MARCHF1: variants seen among roughly 807,000 people sequenced by gnomAD.
The protein encoded by MARCHF1 is membrane associated ring-CH-type finger 1, also known as E3 ubiquitin-protein ligase MARCHF1.
A neutral mutation model predicts 54.2 loss-of-function variants in MARCHF1; 40 were observed. The ratio of observed to expected loss-of-function variants is 0.74; its 90% CI spans 0.57 to 0.96. The LOEUF is 0.96. MARCHF1 is among the 40% of genes least tolerant of loss of function. The pLI is 0.00. For synonymous variants in MARCHF1, 236 were observed against 236.3 expected, an observed-to-expected ratio of 1.00 and a Z score of 0.01; for missense variants, 586 against 656.5, an observed-to-expected ratio of 0.89 and a Z score of 1.17.
chr4:164,164,887 CCCT>C (rs1302282337), intron 1 of MARCHF1, among the ~76,000 whole-genome samples: 1 of 151,904 alleles, frequency 6.6e-6, no homozygotes, highest in African/African-American at 2.4e-5. Flanking sequence ...CCAAGTAAGA[CCCT>C]CCTCAATTCC....
chr4:164,054,378 G>C (rs1754438013), intron 2 of MARCHF1, among the ~76,000 whole-genome samples: 2 of 151,802 alleles, frequency 1.3e-5, no homozygotes, highest in Admixed American at 6.6e-5. Flanking sequence ...GATTCCTCAG[G>C]GATCTAGAAC....
chr4:164,201,711 A>G (rs1462242686), intron 1 of MARCHF1, among the ~76,000 whole-genome samples: 1 of 152,190 alleles, frequency 6.6e-6, no homozygotes, highest in East Asian at 1.9e-4. Flanking sequence ...ACTTGGTTTG[A>G]GCAGCTAGAG....
chr4:164,128,327 T>C lies in MARCHF1; in HGVS notation c.-322-16665A>G, dbSNP rs1040894960. ...TTTAAAATACAGATTTTATAACATATTTTTAAAATGACAAAAATTCAACAT... is the reference window on the plus strand; with the variant it reads ...TTTAAAATACAGATTTTATAACATACTTTTAAAATGACAAAAATTCAACAT... On this transcript the variant is annotated intron_variant, in intron 1 of 9. Coordinates refer to ENST00000514618, the MANE Select transcript of MARCHF1 (RefSeq NM_001394959.1). 2.0e-5 allele frequency among the ~76,000 whole-genome samples: 3 copies of C among 152,052 alleles called. No homozygotes were observed. The East Asian group carries it at 5.8e-4, about 29-fold the overall frequency.
chr4:163,547,061 G>A (rs1326322623), intron 8 of MARCHF1, among the ~76,000 whole-genome samples: 2 of 152,098 alleles, frequency 1.3e-5, no homozygotes, highest in African/African-American at 2.4e-5. Flanking sequence ...CAGAACTTCA[G>A]AAGACCCCAT....
chr4:164,351,118 CG>C (rs1186278272), intron 1 of MARCHF1, among the ~76,000 whole-genome samples: 1 of 152,206 alleles, frequency 6.6e-6, no homozygotes, highest in Non-Finnish European at 1.5e-5. Context: ...TCCTACCCCA[CG>C]GAATCTCGCT....
At chr4:164,243,864 C>T (rs1319350651) in intron 1 of MARCHF1, among the ~76,000 whole-genome samples, 3 of 151,202 alleles carry the variant, frequency 2.0e-5, no homozygotes, top group Non-Finnish European at 4.4e-5. Flanking sequence ...ACAAAGAAGG[C>T]CATTACATAA....
At chr4:164,009,246 C>A (rs549991208) in intron 2 of MARCHF1, among the ~76,000 whole-genome samples, 1 of 151,840 alleles carries the variant, frequency 6.6e-6, no homozygotes, top group African/African-American at 2.4e-5. Context: ...AGATTGAACC[C>A]TGAAAAAAGA....
At chr4:164,158,328 A>G (rs1730131618) in intron 1 of MARCHF1, among the ~76,000 whole-genome samples, 1 of 152,134 alleles carries the variant, frequency 6.6e-6, no homozygotes, top group Non-Finnish European at 1.5e-5. Context: ...AAGAAATTTG[A>G]ACCAAATATG....
At chr4:164,374,836 T>C (rs1252345282) in intron 1 of MARCHF1, among the ~76,000 whole-genome samples, 1 of 152,116 alleles carries the variant, frequency 6.6e-6, no homozygotes, top group Non-Finnish European at 1.5e-5. Flanking sequence ...TTAAAAGATT[T>C]CATAAAAGAT....
At chr4:163,537,276 T>G (rs779113200) in intron 9 of MARCHF1, among the ~76,000 whole-genome samples, 2 of 152,194 alleles carry the variant, frequency 1.3e-5, no homozygotes, top group African/African-American at 4.8e-5. Flanking sequence ...AATTGTCTTC[T>G]TACATTCTGT....
At chr4:163,699,517 G>C (rs1189337125) in intron 5 of MARCHF1, among the ~76,000 whole-genome samples, 1 of 151,114 alleles carries the variant, frequency 6.6e-6, no homozygotes, top group Non-Finnish European at 1.5e-5. Flanking sequence ...AAAGCCTTTT[G>C]ATTCTGAAAA....
At chr4:163,717,446 G>T (rs1170463795) in intron 4 of MARCHF1, among the ~76,000 whole-genome samples, 1 of 151,958 alleles carries the variant, frequency 6.6e-6, no homozygotes, top group Non-Finnish European at 1.5e-5. Context: ...GAATGCTGCT[G>T]CAATAAACAG....
At position 164,310,424 on chromosome 4, in the gene MARCHF1, TA is replaced by T. The variant is rs1304181009; in HGVS notation, c.-323+73445del. Among the ~76,000 whole-genome samples the T allele has an allele frequency of 3.9e-5, 6 of 152,098 alleles. No homozygotes were observed. The East Asian group carries it at 1.2e-3, about 29-fold the overall frequency. On this transcript the variant is annotated intron_variant, in intron 1 of 9. Coordinates refer to ENST00000514618, the MANE Select transcript of MARCHF1 (RefSeq NM_001394959.1). Reference sequence around the variant, plus strand: ...ATTCAGTGTGAAATAATCACATTTTTATTCAAAGAAACAAACACATAAAATA... The same window carrying T: ...ATTCAGTGTGAAATAATCACATTTTTTTCAAAGAAACAAACACATAAAATA...
At chr4:164,197,510 G>C (rs1193822731) in intron 1 of MARCHF1, 2 of 1,613,548 alleles carry the variant, frequency 1.2e-6, no homozygotes, top group Admixed American at 3.3e-5. Context: ...CTTAGTTCAA[G>C]CTTTCTCAAC....
chr4:164,128,453 A>G (rs1756232717), intron 1 of MARCHF1, among the ~76,000 whole-genome samples: 1 of 152,140 alleles, frequency 6.6e-6, no homozygotes, highest in Non-Finnish European at 1.5e-5. Flanking sequence ...AATCCCACAG[A>G]AATGGCCAAA....
chr4:164,156,861 C>T (rs1349587033), intron 1 of MARCHF1, among the ~76,000 whole-genome samples: 1 of 152,138 alleles, frequency 6.6e-6, no homozygotes, highest in Non-Finnish European at 1.5e-5. Context: ...AAAACTCCAC[C>T]AGCTGGAGAC....
At chr4:164,018,282 T>C (rs1753589295) in intron 2 of MARCHF1, among the ~76,000 whole-genome samples, 1 of 151,906 alleles carries the variant, frequency 6.6e-6, no homozygotes, top group Admixed American at 6.6e-5. Flanking sequence ...TACATAAAAA[T>C]TGATAACTTT....
At chr4:164,011,270 G>T (rs537614131) in intron 2 of MARCHF1, among the ~76,000 whole-genome samples, 2 of 152,142 alleles carry the variant, frequency 1.3e-5, no homozygotes, top group African/African-American at 2.4e-5. Context: ...TGACAAATGA[G>T]ATCATATCAA....
intron 4 of MARCHF1, 144 bp downstream of exon 4, chr4:163,853,877 A>T (rs1260521221): frequency 3.5e-6 from 2 of 567,588 alleles, no homozygotes; most frequent in African/African-American, 3.8e-5. Context: ...AACTAACCAA[A>T]TCTATATGAA....
Sources: gnomAD v4.1 joint callset for allele counts (sites outside exome capture counted in the v4.1 genomes callset) on GRCh38, gnomAD v4.1.1 for gene constraint, MANE v1.5 for transcripts, NCBI Gene and HGNC (gene_info 2026-07-23, HGNC 2026-07-21) for gene names.